Variants in TAOK1 observed in about 807,000 individuals in gnomAD.
TAOK1 encodes serine/threonine-protein kinase TAO1.
TAOK1 carries 21 observed loss-of-function variants against 138.3 expected under a neutral mutation model. The ratio of observed to expected loss-of-function variants is 0.15; its 90% CI spans 0.11 to 0.22. The LOEUF is 0.22. Ranked by LOEUF, TAOK1 falls within the 10% of genes least tolerant of loss-of-function variation. TAOK1 has a pLI of 1.00. For missense variants in TAOK1, 651 were observed against 1,227.7 expected (o/e 0.53, Z 7.02); for synonymous variants, 361 against 398.4 (o/e 0.91, Z 1.12).
At chr17:29,475,488 T>C (rs1567728836) in intron 3 of TAOK1, among the ~76,000 whole-genome samples, 182 bp from the exon 4 acceptor site, 1 of 152,182 alleles carries the variant, frequency 6.6e-6, no homozygotes, top group East Asian at 1.9e-4. Flanking sequence ...TGCAGTTAGC[T>C]GAGATTGTGC....
intron 3 of TAOK1, among the ~76,000 whole-genome samples, chr17:29,472,603 C>T (rs1224838065): frequency 4.6e-5 from 6 of 130,758 alleles, no homozygotes; most frequent in Non-Finnish European, 6.3e-5. Flanking sequence ...GATGGAGTTT[C>T]GCTCTTGTTG....
At chr17:29,391,661 T>G (rs1904435218) in intron 1 of TAOK1, among the ~76,000 whole-genome samples, 1 of 152,202 alleles carries the variant, frequency 6.6e-6, no homozygotes, top group African/African-American at 2.4e-5. Context: ...TGGTTTTAAA[T>G]CGACGACAGT....
At chr17:29,447,492 G>GGCA (rs1402813156) in intron 1 of TAOK1, among the ~76,000 whole-genome samples, 1 of 151,654 alleles carries the variant, frequency 6.6e-6, no homozygotes, top group Non-Finnish European at 1.5e-5. Flanking sequence ...TACTATACCT[G>GGCA]GCTAATTTTT....
rs2031840733 is a variant in TAOK1 at position 29,517,565 on chromosome 17, G to A, written c.1817G>A (p.Arg606His). ...QAEEEANLLR[R>H]QRQYLELECR... ...GAAGAAGAAGCTAACCTTCTTCGAC[G>A]TCAAAGACAATACCTAGAGCTGGAA... The change falls in exon 16 of 20, where the codon CGT (arginine) becomes CAT (histidine). Residue 606 changes from arginine (R) to histidine (H), a missense_variant. Physicochemically the swap from Arg to His is conservative, Grantham distance 29. Transcript: ENST00000261716. 5 of 1,613,866 alleles carry A rather than the reference G, an allele frequency of 3.1e-6. No individual in the cohort carries two copies. The highest frequency in any genetic ancestry group is 3.4e-6 in the Non-Finnish European group (4 of 1,180,026).
At chr17:29,457,472 C>T (rs1321869174) in intron 2 of TAOK1, among the ~76,000 whole-genome samples, 1 of 132,006 alleles carries the variant, frequency 7.6e-6, no homozygotes, top group African/African-American at 2.9e-5. Context: ...ATGGCGTGAT[C>T]TCGGCTCACT....
intron 16 of TAOK1, among the ~76,000 whole-genome samples, chr17:29,519,116 T>C (rs2031871669): frequency 6.6e-6 from 1 of 152,174 alleles, no homozygotes; most frequent in Non-Finnish European, 1.5e-5. Flanking sequence ...GCCTCTGACC[T>C]GAAATGGGTT....
Position 29,543,253 on chromosome 17 carries a change from G to A in TAOK1, c.*231G>A, listed in dbSNP as rs746725443. 2.4e-6 allele frequency: 1 copy of A among 410,848 alleles called. No individual in the cohort carries two copies. The highest frequency in any genetic ancestry group is 4.4e-6 in the Non-Finnish European group (1 of 227,484). The allele number at this position is 410,848 out of a possible 1,614,324, so 25.5% of individuals were successfully genotyped here. A position where few individuals can be genotyped will look rare whatever the true frequency, so the allele number is the denominator to read the frequency against. On this transcript the variant is annotated 3_prime_UTR_variant, in exon 20 of 20. Transcript: ENST00000261716. The stretch of plus-strand genomic sequence containing the variant: ...TGGGGAAATTTTGAAAAGTGGAGTT[G>A]ATATTAAAAATAAATGTGTATGTGT...
At chr17:29,433,388 G>T (rs989560453) in intron 1 of TAOK1, among the ~76,000 whole-genome samples, 17 of 148,814 alleles carry the variant, frequency 1.1e-4, no homozygotes, top group African/African-American at 4.2e-4. Flanking sequence ...CGAGATCACT[G>T]CATTCCATCC....
chr17:29,417,955 A>G (rs1482594063), intron 1 of TAOK1, among the ~76,000 whole-genome samples: 2 of 152,052 alleles, frequency 1.3e-5, no homozygotes, highest in Non-Finnish European at 2.9e-5. Context: ...TGGCGTGATC[A>G]TAGCTCACTG....
intron 1 of TAOK1, among the ~76,000 whole-genome samples, chr17:29,425,440 A>T (rs1006373668): frequency 2.6e-5 from 4 of 151,110 alleles, no homozygotes; most frequent in African/African-American, 9.7e-5. Flanking sequence ...GCATTTTGGG[A>T]GGCCGAGCCG....
At position 29,530,639 on chromosome 17, in the gene TAOK1, G is replaced by A. The variant is rs1370146448; in HGVS notation, c.2361+20G>A. Reference sequence around the variant, plus strand: ...CAAGCCGTGAGTTTGCTTTTTTTGGGGCAAAACAAATTTAGTGCCCCTTTT... The same window carrying A: ...CAAGCCGTGAGTTTGCTTTTTTTGGAGCAAAACAAATTTAGTGCCCCTTTT... On this transcript the variant is annotated intron_variant, in intron 18 of 19. Coordinates refer to ENST00000261716, the MANE Select transcript of TAOK1 (RefSeq NM_020791.4). 1.9e-6 allele frequency: 3 copies of A among 1,608,084 alleles called. No homozygotes were observed. Among genetic ancestry groups the A allele is most frequent in the Non-Finnish European group, 2.6e-6 (3 of 1,174,808 alleles).
chr17:29,422,980 G>A (rs1225958891), intron 1 of TAOK1, among the ~76,000 whole-genome samples: 1 of 151,968 alleles, frequency 6.6e-6, no homozygotes, highest in East Asian at 1.9e-4. Flanking sequence ...AGTTGAGATC[G>A]CCTCATTGCA....
At chr17:29,419,423 C>T (rs1013146330) in intron 1 of TAOK1, among the ~76,000 whole-genome samples, 8 of 151,518 alleles carry the variant, frequency 5.3e-5, no homozygotes, top group Non-Finnish European at 8.8e-5. Flanking sequence ...CTCGAACTCC[C>T]GACATCAATT....
rs11271070 is a variant in TAOK1, at chr17:29,518,750, C to CTTTTATTTTATTTA, written c.1908+1097_1908+1098insTATTTTATTTATTT. ...TGTTGATTTTTATTTTTTATTTTTA[C>CTTTTATTTTATTTA]TTTATCTATTTATTTATTTATTTAT... On this transcript the variant is annotated intron_variant, in intron 16 of 19. Coordinates refer to ENST00000261716, the MANE Select transcript of TAOK1 (RefSeq NM_020791.4). Among the ~76,000 whole-genome samples, 961 of 150,494 alleles carry CTTTTATTTTATTTA rather than the reference C, an allele frequency of 6.4e-3. 11 individuals are homozygous for CTTTTATTTTATTTA. Among genetic ancestry groups the CTTTTATTTTATTTA allele is most frequent in the Middle Eastern group, 0.017 (5 of 294 alleles).
intron 1 of TAOK1, among the ~76,000 whole-genome samples, chr17:29,438,104 G>A (rs1906096374): frequency 6.6e-6 from 1 of 151,974 alleles, no homozygotes; most frequent in Admixed American, 6.6e-5. Flanking sequence ...AGGTATAAGG[G>A]GATGGTATTG....
intron 8 of TAOK1, among the ~76,000 whole-genome samples, chr17:29,488,568 A>G (rs2031225484): frequency 7.2e-6 from 1 of 139,144 alleles, no homozygotes; most frequent in African/African-American, 2.8e-5. Flanking sequence ...GTGAAACCAC[A>G]TCTCAAAAAA....
At chr17:29,540,770 A>C (rs964591569) in intron 19 of TAOK1, among the ~76,000 whole-genome samples, 26 of 151,840 alleles carry the variant, frequency 1.7e-4, no homozygotes, top group Admixed American at 6.6e-4. Flanking sequence ...GGGTTTCTCC[A>C]TGTTGGTCAG....
At chr17:29,504,930 T>TA (rs962487008) in intron 13 of TAOK1, among the ~76,000 whole-genome samples, 1 of 152,182 alleles carries the variant, frequency 6.6e-6, no homozygotes. Flanking sequence ...TTTTGATAAA[T>TA]ATGTTGAGAA....
rs1237459624 is a variant in TAOK1, at chr17:29,548,054, T to C, written c.*5032T>C. On this transcript the variant is annotated 3_prime_UTR_variant, in exon 20 of 20. Transcript: ENST00000261716. ...AAAAAGAAAGTGAAGCTGAGAACTCTTCCTTTATTGTGCATTTATATTTTC... is the reference window on the plus strand; with the variant it reads ...AAAAAGAAAGTGAAGCTGAGAACTCCTCCTTTATTGTGCATTTATATTTTC... 2 of 152,178 alleles carry C rather than the reference T, an allele frequency of 1.3e-5. No homozygotes were observed. Among genetic ancestry groups the C allele is most frequent in the African/African-American group, 4.8e-5 (2 of 41,456 alleles). 9.4% of individuals were successfully genotyped at this position (152,178 alleles called of 1,614,324 possible).
Sources: allele counts gnomAD v4.1 joint callset (sites outside exome capture counted in the v4.1 genomes callset), GRCh38; gene constraint gnomAD v4.1.1; transcripts MANE v1.5; gene names NCBI Gene and HGNC (gene_info 2026-07-23, HGNC 2026-07-21).